CRACD: variants seen among roughly 807,000 people sequenced by gnomAD.
CRACD encodes capping protein-inhibiting regulator of actin dynamics.
In CRACD, 56 loss-of-function variants were observed where a neutral mutation model predicts 106.8. The observed-to-expected ratio is 0.52, with a 90% CI of 0.42 to 0.66. CRACD has a LOEUF of 0.66. Ranked by LOEUF, CRACD falls within the 30% of genes least tolerant of loss-of-function variation. The probability of loss-of-function intolerance (pLI) is 0.00; values close to 1 mark genes in which losing one functional copy is unlikely to be tolerated. For missense variants in CRACD, 1,730 were observed against 1,623.2 expected, an observed-to-expected ratio of 1.07 and a Z score of -1.13; for synonymous variants, 754 against 670.8, an observed-to-expected ratio of 1.12 and a Z score of -1.92.
At chr4:56,064,070 G>C (rs966599093) in intron 1 of CRACD, among the ~76,000 whole-genome samples, 14 of 152,162 alleles carry the variant, frequency 9.2e-5, no homozygotes, top group African/African-American at 3.4e-4. Context: ...TCTCAGTTTG[G>C]TTTTGATTTG....
chr4:56,142,835 C>T (rs1231337224), intron 1 of CRACD, among the ~76,000 whole-genome samples: 1 of 152,022 alleles, frequency 6.6e-6, no homozygotes, highest in Admixed American at 6.6e-5. Flanking sequence ...AAAATTCCTA[C>T]ACTAAATCTC....
chr4:56,151,511 A>G (rs1038557715), intron 1 of CRACD, among the ~76,000 whole-genome samples: 2 of 152,142 alleles, frequency 1.3e-5, no homozygotes, highest in African/African-American at 2.4e-5. Context: ...ATATCTTAGA[A>G]TAGTTTGTGT....
At chr4:56,089,421 G>A (rs538041024) in intron 1 of CRACD, among the ~76,000 whole-genome samples, 6 of 152,070 alleles carry the variant, frequency 3.9e-5, no homozygotes, top group South Asian at 2.1e-4. Context: ...TTAAGTTGCC[G>A]CCTACGGCAT....
intron 1 of CRACD, among the ~76,000 whole-genome samples, chr4:56,131,940 A>G (rs1487397885): frequency 1.3e-5 from 2 of 152,178 alleles, no homozygotes; most frequent in Non-Finnish European, 2.9e-5. Context: ...ATGTAACTAT[A>G]TTTTTGGATC....
chr4:56,280,493 T>A (rs763192613), intron 3 of CRACD, among the ~76,000 whole-genome samples: 1 of 152,204 alleles, frequency 6.6e-6, no homozygotes, highest in Non-Finnish European at 1.5e-5. Context: ...TCAGCCTAGA[T>A]CAGGCCCCTT....
chr4:56,298,857 C>T (rs1327631402), intron 4 of CRACD, among the ~76,000 whole-genome samples: 2 of 152,064 alleles, frequency 1.3e-5, no homozygotes, highest in African/African-American at 2.4e-5. Context: ...CACTTGAATC[C>T]GGGAGGCAGA....
At chr4:56,193,699 C>A (rs1051908834) in intron 2 of CRACD, among the ~76,000 whole-genome samples, 6 of 152,188 alleles carry the variant, frequency 3.9e-5, no homozygotes, top group Non-Finnish European at 4.4e-5. Flanking sequence ...CAGTGTCATA[C>A]ACATAATCAA....
intron 1 of CRACD, among the ~76,000 whole-genome samples, chr4:56,140,708 T>C (rs1005061236): frequency 3.9e-5 from 6 of 152,180 alleles, no homozygotes; most frequent in African/African-American, 1.4e-4. Flanking sequence ...ACAGGGCCAG[T>C]TCTTTGAAAC....
At chr4:56,279,723 G>T (rs1560515169) in intron 3 of CRACD, among the ~76,000 whole-genome samples, 3 of 152,156 alleles carry the variant, frequency 2.0e-5, no homozygotes, top group African/African-American at 7.2e-5. Context: ...AACCATTGTG[G>T]AAGTCAGTGT....
At chr4:56,279,887 C>G (rs1020123257) in intron 3 of CRACD, among the ~76,000 whole-genome samples, 4 of 152,076 alleles carry the variant, frequency 2.6e-5, no homozygotes, top group East Asian at 3.9e-4. Flanking sequence ...AGACTTGGAA[C>G]CAAGCCAAAT....
intron 1 of CRACD, among the ~76,000 whole-genome samples, chr4:56,116,352 G>C (rs1007632232): frequency 6.6e-6 from 1 of 152,164 alleles, no homozygotes; most frequent in Non-Finnish European, 1.5e-5. Flanking sequence ...CACAATCACT[G>C]TAGGCATGTT....
chr4:56,300,118 C>CTCT (rs1744281742), intron 4 of CRACD, among the ~76,000 whole-genome samples: 1 of 151,820 alleles, frequency 6.6e-6, no homozygotes, highest in South Asian at 2.1e-4. Flanking sequence ...AGCCTGGCGA[C>CTCT]AGAGAGAGAT....
intron 2 of CRACD, among the ~76,000 whole-genome samples, chr4:56,234,041 T>C (rs1739805509): frequency 6.6e-6 from 1 of 152,186 alleles, no homozygotes; most frequent in Admixed American, 6.5e-5. Context: ...TCCTGCAATC[T>C]TTCTGGACTC....
intron 2 of CRACD, among the ~76,000 whole-genome samples, chr4:56,218,324 C>T (rs1023771911): frequency 6.6e-6 from 1 of 151,934 alleles, no homozygotes; most frequent in Non-Finnish European, 1.5e-5. Context: ...GTTATCCAGG[C>T]TGCTCTCAAA....
chr4:56,095,000 C>T (rs777010052), intron 1 of CRACD, among the ~76,000 whole-genome samples: 2 of 152,166 alleles, frequency 1.3e-5, no homozygotes, highest in Non-Finnish European at 2.9e-5. Flanking sequence ...CTCAGCAATA[C>T]ATTTACATCC....
intron 2 of CRACD, among the ~76,000 whole-genome samples, chr4:56,182,861 ATATGTGTG>A (rs763433877): frequency 9.8e-4 from 100 of 101,992 alleles, no homozygotes; most frequent in African/African-American, 1.6e-3. Flanking sequence ...GAAAAAAAAG[ATATGTGTG>A]TGTGTGTGTG....
intron 5 of CRACD, among the ~76,000 whole-genome samples, chr4:56,309,894 G>A (rs914807672): frequency 2.6e-5 from 4 of 151,766 alleles, no homozygotes; most frequent in African/African-American, 4.8e-5. Context: ...TTAGCCAGAC[G>A]TGGCACATGC....
At chr4:56,305,097 T>A (rs969601637) in intron 4 of CRACD, among the ~76,000 whole-genome samples, 4 of 152,008 alleles carry the variant, frequency 2.6e-5, no homozygotes, top group Non-Finnish European at 4.4e-5. Context: ...GGTCGATGCA[T>A]GTGGTCCTAG....
At chr4:56,161,613 C>A (rs777060640) in intron 1 of CRACD, among the ~76,000 whole-genome samples, 13 of 151,892 alleles carry the variant, frequency 8.6e-5, no homozygotes, top group Non-Finnish European at 1.6e-4. Context: ...CACAACTACC[C>A]TACACTCTGC....
Sources: gnomAD v4.1 joint callset for allele counts (sites outside exome capture counted in the v4.1 genomes callset) on GRCh38, gnomAD v4.1.1 for gene constraint, MANE v1.5 for transcripts, NCBI Gene and HGNC (gene_info 2026-07-23, HGNC 2026-07-21) for gene names.